EPS15: variants seen among roughly 807,000 people sequenced by gnomAD.
EPS15 encodes the protein epidermal growth factor receptor pathway substrate 15, also known as epidermal growth factor receptor substrate 15.
A neutral mutation model predicts 113.8 loss-of-function variants in EPS15; 72 were observed. That is an observed-to-expected ratio of 0.63 (90% CI 0.52 to 0.77). EPS15 has a LOEUF of 0.77. Among genes scored for constraint, EPS15 ranks in the 30% least tolerant of loss-of-function variants. The probability of loss-of-function intolerance (pLI) is 0.00; values close to 1 mark genes in which losing one functional copy is unlikely to be tolerated. For missense variants in EPS15, 1,048 were observed against 1,045.8 expected, an observed-to-expected ratio of 1.00 and a Z score of -0.03; for synonymous variants, 344 against 363.4, an observed-to-expected ratio of 0.95 and a Z score of 0.61.
At chr1:51,433,860 G>C (rs1651932185) in intron 12 of EPS15, among the ~76,000 whole-genome samples, 1 of 152,182 alleles carries the variant, frequency 6.6e-6, no homozygotes, top group African/African-American at 2.4e-5. Flanking sequence ...GAAGCTAGTA[G>C]ATGACAAAAT....
chr1:51,386,021 T>C (rs1291021542), intron 21 of EPS15, among the ~76,000 whole-genome samples: 3 of 152,198 alleles, frequency 2.0e-5, no homozygotes, highest in African/African-American at 7.2e-5. Flanking sequence ...TAAAAAAGGT[T>C]AAAATGCCAA....
At chr1:51,462,916 G>A (rs547491464) in intron 7 of EPS15, among the ~76,000 whole-genome samples, 28 of 126,624 alleles carry the variant, frequency 2.2e-4, no homozygotes, top group Admixed American at 2.9e-4. Flanking sequence ...CTTGCTTGTC[G>A]CCCAGGCTGG....
intron 24 of EPS15, among the ~76,000 whole-genome samples, chr1:51,358,555 A>C (rs1001608568): frequency 2.6e-5 from 4 of 152,176 alleles, no homozygotes; most frequent in Non-Finnish European, 5.9e-5. Flanking sequence ...ATTAAGCAAA[A>C]CTTTGAAACG....
chr1:51,491,836 C>T (rs1436561356), intron 1 of EPS15, among the ~76,000 whole-genome samples: 1 of 151,120 alleles, frequency 6.6e-6, no homozygotes, highest in African/African-American at 2.4e-5. Context: ...TATTCCTCAG[C>T]TCTGTAATTC....
chr1:51,440,011 G>A (rs762116512), intron 12 of EPS15, among the ~76,000 whole-genome samples: 1 of 151,962 alleles, frequency 6.6e-6, no homozygotes, highest in African/African-American at 2.4e-5. Context: ...TAGGATATAC[G>A]TTTTTTCGCA....
At chr1:51,385,766 T>G (rs1647051167) in intron 21 of EPS15, among the ~76,000 whole-genome samples, 1 of 152,162 alleles carries the variant, frequency 6.6e-6, no homozygotes, top group Non-Finnish European at 1.5e-5. Context: ...GGATGAACCT[T>G]GAGGACATTA....
intron 12 of EPS15, among the ~76,000 whole-genome samples, 184 bp downstream of exon 12, chr1:51,440,163 T>TC (rs1652471536): frequency 6.6e-6 from 1 of 152,000 alleles, no homozygotes; most frequent in Non-Finnish European, 1.5e-5. Context: ...GTACACTGAC[T>TC]CCGTTTAAAC....
At chr1:51,489,390 C>T (rs1345182942) in intron 1 of EPS15, among the ~76,000 whole-genome samples, 3 of 150,162 alleles carry the variant, frequency 2.0e-5, no homozygotes, top group South Asian at 2.1e-4. Flanking sequence ...CACGTGATCT[C>T]GGCTCACTGC....
At chr1:51,408,489 G>T (rs769386593) in intron 14 of EPS15, among the ~76,000 whole-genome samples, 157 bp from the exon 15 acceptor site, 1 of 152,146 alleles carries the variant, frequency 6.6e-6, no homozygotes, top group Non-Finnish European at 1.5e-5. Flanking sequence ...TTTTGAGAGA[G>T]AGAGTCTTGC....
chr1:51,377,513 G>A (rs567592259), intron 21 of EPS15, among the ~76,000 whole-genome samples: 1 of 152,298 alleles, frequency 6.6e-6, no homozygotes, highest in East Asian at 1.9e-4. Context: ...TGCCTCTACA[G>A]ATAAGAAAGT....
chr1:51,396,786 T>C (rs1647992169), intron 20 of EPS15, among the ~76,000 whole-genome samples: 1 of 152,190 alleles, frequency 6.6e-6, no homozygotes, highest in African/African-American at 2.4e-5. Flanking sequence ...GCAGGGCAAT[T>C]TTTTAAAAAT....
At position 51,448,073 on chromosome 1, in the gene EPS15, G is replaced by C; in HGVS notation, c.624C>G (p.Ala208=). 4 of 1,613,792 alleles carry C rather than the reference G, an allele frequency of 2.5e-6. No homozygotes were observed. Among genetic ancestry groups the C allele is most frequent in the Non-Finnish European group, 3.4e-6 (4 of 1,179,762 alleles). ...KEPVPMSLPP[A]LVPPSKRKTW... is the part of the protein sequence containing the mutation. Reference sequence around the variant, plus strand: ...TTTTTCTCTTAGATGGTGGCACCAAGGCTGGAGGCAAGGACATTGGCACAG... The same window carrying C: ...TTTTTCTCTTAGATGGTGGCACCAACGCTGGAGGCAAGGACATTGGCACAG... The change falls in exon 9 of 25, where the codon GCC becomes GCG. Residue 208 remains alanine (A), a synonymous_variant. Coordinates refer to ENST00000371733, the MANE Select transcript of EPS15 (RefSeq NM_001981.3).
At chr1:51,380,084 C>T (rs1646906154) in intron 21 of EPS15, among the ~76,000 whole-genome samples, 1 of 150,254 alleles carries the variant, frequency 6.7e-6, no homozygotes, top group African/African-American at 2.5e-5. Context: ...ATTAGTCGGG[C>T]ATGGTGGTAG....
chr1:51,458,541 A>G (rs780224053), intron 8 of EPS15: 2 of 445,202 alleles, frequency 4.5e-6, no homozygotes, highest in Admixed American at 2.4e-5. Context: ...GCTCGAGACC[A>G]GTCTGGCAAA....
At chr1:51,493,196 C>A (rs542474912) in intron 1 of EPS15, among the ~76,000 whole-genome samples, 48 of 152,334 alleles carry the variant, frequency 3.2e-4, no homozygotes, top group South Asian at 6.2e-4. Flanking sequence ...CCCATCTCTA[C>A]TAAAAATACA....
At chr1:51,513,485 T>C (rs1387510576) in intron 1 of EPS15, among the ~76,000 whole-genome samples, 2 of 152,158 alleles carry the variant, frequency 1.3e-5, no homozygotes, top group African/African-American at 4.8e-5. Context: ...ACAGTATACA[T>C]ATATATTTAT....
intron 8 of EPS15, among the ~76,000 whole-genome samples, chr1:51,451,332 T>C (rs1653530400): frequency 6.6e-6 from 1 of 150,494 alleles, no homozygotes; most frequent in South Asian, 2.1e-4. Context: ...CTACTAAAAA[T>C]ACAAAAAAAT....
chr1:51,405,336 G>C (rs904382449), intron 16 of EPS15, among the ~76,000 whole-genome samples: 2 of 151,790 alleles, frequency 1.3e-5, no homozygotes, highest in Non-Finnish European at 2.9e-5. Flanking sequence ...TTTAGCTTTT[G>C]GTGAGGGTAC....
chr1:51,407,416 C>A lies in EPS15; in HGVS notation c.1473+719G>T, dbSNP rs142177352. 2.1e-3 allele frequency among the ~76,000 whole-genome samples: 317 copies of A among 152,230 alleles called. 3 individuals are homozygous for A. Among genetic ancestry groups the A allele is most frequent in the African/African-American group, 7.4e-3 (307 of 41,524 alleles). ...GTTTGGCCATGTTGGCAGGGCTGGT[C>A]TCGAACTCCCGGCCTCAAGTGATCC... On this transcript the variant is annotated intron_variant, in intron 15 of 24. Transcript: ENST00000371733.
Sources: allele counts gnomAD v4.1 joint callset (sites outside exome capture counted in the v4.1 genomes callset), GRCh38; gene constraint gnomAD v4.1.1; transcripts MANE v1.5; gene names NCBI Gene and HGNC (gene_info 2026-07-23, HGNC 2026-07-21).